Variants in IL1RAPL1 observed in about 807,000 individuals in gnomAD.
The protein encoded by IL1RAPL1 is interleukin 1 receptor accessory protein like 1, also known as interleukin-1 receptor accessory protein-like 1.
IL1RAPL1 carries 3 observed loss-of-function variants against 48.4 expected under a neutral mutation model. The ratio of observed to expected loss-of-function variants is 0.06; its 90% CI spans 0.03 to 0.16. The LOEUF is 0.16. IL1RAPL1 is among the 10% of genes least tolerant of loss of function. IL1RAPL1 has a pLI of 1.00. For missense variants in IL1RAPL1, 349 were observed against 530.6 expected, an observed-to-expected ratio of 0.66 and a Z score of 3.36; for synonymous variants, 185 against 187.7, an observed-to-expected ratio of 0.99 and a Z score of 0.12.
intron 2 of IL1RAPL1, among the ~76,000 whole-genome samples, chrX:29,161,654 T>C (rs1436936724): frequency 8.9e-6 from 1 of 112,626 alleles, no homozygotes; most frequent in African/African-American, 3.2e-5. Context: ...TATTCTTCTG[T>C]ATGCTATAGT....
chrX:29,005,276 G>A (rs1925950155), intron 2 of IL1RAPL1, among the ~76,000 whole-genome samples: 1 of 111,980 alleles, frequency 8.9e-6, no homozygotes, highest in Non-Finnish European at 1.9e-5. Flanking sequence ...TTTCCCTCAG[G>A]TTTGACAATG....
intron 1 of IL1RAPL1, among the ~76,000 whole-genome samples, chrX:28,658,048 T>A (rs781684959): frequency 7.1e-5 from 8 of 111,967 alleles, no homozygotes; most frequent in Non-Finnish European, 1.1e-4. Flanking sequence ...TTTAGGTCTC[T>A]CTTTTGCAAG....
At chrX:28,836,018 A>G (rs1247039458) in intron 2 of IL1RAPL1, among the ~76,000 whole-genome samples, 1 of 110,989 alleles carries the variant, frequency 9.0e-6, no homozygotes, top group African/African-American at 3.3e-5. Flanking sequence ...ATAAACAAAC[A>G]ATAAAGTTGT....
intron 6 of IL1RAPL1, among the ~76,000 whole-genome samples, chrX:29,694,454 G>A (rs775173413): frequency 2.0e-4 from 22 of 111,556 alleles, no homozygotes; most frequent in African/African-American, 5.9e-4. Context: ...ATGTTTTTGC[G>A]TATATGTATA....
intron 2 of IL1RAPL1, among the ~76,000 whole-genome samples, chrX:28,898,648 C>T (rs1255835079): frequency 9.0e-6 from 1 of 110,994 alleles, no homozygotes; most frequent in Non-Finnish European, 1.9e-5. Flanking sequence ...TTTTTATAAT[C>T]TAATAGAAAG....
chrX:28,771,049 T>G (rs185700608), intron 1 of IL1RAPL1, among the ~76,000 whole-genome samples: 1 of 111,931 alleles, frequency 8.9e-6, no homozygotes, highest in Non-Finnish European at 1.9e-5. Context: ...ATGTTTGCCA[T>G]TCTTGTGAAG....
intron 6 of IL1RAPL1, among the ~76,000 whole-genome samples, chrX:29,894,979 A>G (rs886279851): frequency 1.8e-5 from 2 of 108,952 alleles, no homozygotes; most frequent in Non-Finnish European, 1.9e-5. Flanking sequence ...GGCACCCACA[A>G]TGCCCGGCTA....
chrX:29,514,993 C>T (rs1430778396), intron 5 of IL1RAPL1, among the ~76,000 whole-genome samples: 1 of 112,021 alleles, frequency 8.9e-6, no homozygotes, highest in Non-Finnish European at 1.9e-5. Context: ...TGGAAGGTGT[C>T]ACCTCAGTGC....
chrX:28,890,623 T>A (rs956572291), intron 2 of IL1RAPL1, among the ~76,000 whole-genome samples: 2 of 112,088 alleles, frequency 1.8e-5, no homozygotes, highest in African/African-American at 6.5e-5. Context: ...GACACTACAT[T>A]TAACTGTTGT....
chrX:28,751,529 G>T (rs1007037210), intron 1 of IL1RAPL1, among the ~76,000 whole-genome samples: 4 of 111,445 alleles, frequency 3.6e-5, no homozygotes, highest in Admixed American at 9.6e-5. Context: ...AAAAAAAGTT[G>T]GTCTTTCCTT....
At chrX:29,078,747 A>G (rs745635840) in intron 2 of IL1RAPL1, among the ~76,000 whole-genome samples, 38 of 111,720 alleles carry the variant, frequency 3.4e-4, no homozygotes, top group South Asian at 1.1e-3. Context: ...GGGAAACTCT[A>G]TATGTGGGAT....
chrX:29,945,792 A>T (rs1270370945), intron 9 of IL1RAPL1, among the ~76,000 whole-genome samples: 3 of 112,307 alleles, frequency 2.7e-5, no homozygotes, highest in African/African-American at 9.7e-5. Context: ...GTTCTTTATC[A>T]GAAGGATTAT....
At chrX:29,338,137 C>A (rs889594641) in intron 3 of IL1RAPL1, among the ~76,000 whole-genome samples, 2 of 111,237 alleles carry the variant, frequency 1.8e-5, no homozygotes, top group Non-Finnish European at 3.8e-5. Context: ...TCCTTAAATG[C>A]TTGAATAAAT....
chrX:28,710,040 T>C (rs1270190395), intron 1 of IL1RAPL1, among the ~76,000 whole-genome samples: 1 of 111,664 alleles, frequency 9.0e-6, no homozygotes, highest in Non-Finnish European at 1.9e-5. Context: ...TTGTAATTTA[T>C]TGTACAGTGG....
At chrX:29,240,380 G>T (rs368064097) in intron 2 of IL1RAPL1, among the ~76,000 whole-genome samples, 1 of 104,795 alleles carries the variant, frequency 9.5e-6, no homozygotes, top group African/African-American at 3.5e-5. Flanking sequence ...GATTATAGGC[G>T]CACGCCACCT....
chrX:29,217,775 TCTCACACACACACACACACA>T (rs1158295882), intron 2 of IL1RAPL1, among the ~76,000 whole-genome samples: 2 of 68,413 alleles, frequency 2.9e-5, no homozygotes, highest in Admixed American at 1.8e-4. Context: ...TCTCTCTCTC[TCTCACACACACACACACACA>T]CACACACACA....
chrX:29,655,052 C>A (rs1255089733), intron 5 of IL1RAPL1, among the ~76,000 whole-genome samples: 1 of 111,286 alleles, frequency 9.0e-6, no homozygotes, highest in Non-Finnish European at 1.9e-5. Context: ...ATAATGAGAG[C>A]CTCAAATTGT....
At chrX:29,866,200 TG>T (rs1399384388) in intron 6 of IL1RAPL1, among the ~76,000 whole-genome samples, 1 of 111,482 alleles carries the variant, frequency 9.0e-6, no homozygotes, top group Non-Finnish European at 1.9e-5. Flanking sequence ...AAAATGTGAC[TG>T]ATTAAATCTT....
chrX:29,637,812 A>G (rs1207087432), intron 5 of IL1RAPL1, among the ~76,000 whole-genome samples: 1 of 112,110 alleles, frequency 8.9e-6, no homozygotes, highest in Admixed American at 9.5e-5. Context: ...TAAATACCCA[A>G]TAAGATTTTA....
Sources: allele counts gnomAD v4.1 joint callset (sites outside exome capture counted in the v4.1 genomes callset), GRCh38; gene constraint gnomAD v4.1.1; transcripts MANE v1.5; gene names NCBI Gene and HGNC (gene_info 2026-07-23, HGNC 2026-07-21).